Variants in SLC2A13 observed in about 807,000 individuals in gnomAD.
The protein encoded by SLC2A13 is proton myo-inositol cotransporter.
Under a neutral mutation model 64.4 loss-of-function variants are expected in SLC2A13, and 32 were observed. The observed-to-expected ratio is 0.50, with a 90% CI of 0.37 to 0.67. The LOEUF is 0.67. Ranked by LOEUF, SLC2A13 falls within the 30% of genes least tolerant of loss-of-function variation. The pLI is 0.00. For missense variants in SLC2A13, 743 were observed against 829.2 expected (o/e 0.90, Z 1.28); for synonymous variants, 338 against 327.1 (o/e 1.03, Z -0.36).
intron 2 of SLC2A13, among the ~76,000 whole-genome samples, chr12:40,037,076 C>A (rs975602764): frequency 2.0e-5 from 3 of 152,188 alleles, no homozygotes; most frequent in African/African-American, 4.8e-5. Context: ...AACCAACCAA[C>A]CTTCCTGGGT....
rs1940479362 is a variant in SLC2A13, at chr12:39,769,403, G to A, written c.1446-4545C>T. Among the ~76,000 whole-genome samples, 3 of 152,134 alleles carry A rather than the reference G, an allele frequency of 2.0e-5. 1 individual carries two copies. The South Asian group carries it at 6.2e-4, about 32-fold the overall frequency. ...AGGACTTGATACATTTGAATCTGAA[G>A]AACAGATCTTTTAACAACTGGAATT... On this transcript the variant is annotated intron_variant, in intron 7 of 9. Transcript: ENST00000280871.
intron 1 of SLC2A13, among the ~76,000 whole-genome samples, chr12:40,063,062 C>A (rs1948449804): frequency 6.6e-6 from 1 of 151,920 alleles, no homozygotes; most frequent in African/African-American, 2.4e-5. Flanking sequence ...TATATAGATA[C>A]CCCTTCATTA....
At chr12:40,050,851 T>C (rs1324280358) in intron 1 of SLC2A13, among the ~76,000 whole-genome samples, 1 of 152,212 alleles carries the variant, frequency 6.6e-6, no homozygotes, top group East Asian at 1.9e-4. Context: ...TTGACTTTTC[T>C]GGGTCTAAAG....
chr12:39,910,903 T>C (rs1289578881), intron 4 of SLC2A13, among the ~76,000 whole-genome samples: 2 of 152,072 alleles, frequency 1.3e-5, no homozygotes, highest in Non-Finnish European at 2.9e-5. Flanking sequence ...ACCAATATGG[T>C]GAAACCCCGT....
chr12:40,002,819 G>C (rs576979530), intron 3 of SLC2A13, among the ~76,000 whole-genome samples: 5 of 150,506 alleles, frequency 3.3e-5, no homozygotes, highest in Non-Finnish European at 7.4e-5. Context: ...TGATTTCTAG[G>C]GTATGGCTGA....
At chr12:39,823,776 T>C (rs980118686) in intron 7 of SLC2A13, among the ~76,000 whole-genome samples, 2 of 152,230 alleles carry the variant, frequency 1.3e-5, no homozygotes, top group Non-Finnish European at 2.9e-5. Flanking sequence ...AGAAGTGTTT[T>C]TCACAAAGTA....
intron 4 of SLC2A13, among the ~76,000 whole-genome samples, chr12:39,891,513 A>G (rs1362816804): frequency 6.6e-6 from 1 of 152,132 alleles, no homozygotes; most frequent in Non-Finnish European, 1.5e-5. Flanking sequence ...TATTTACTCA[A>G]CTCTATTGTT....
intron 3 of SLC2A13, among the ~76,000 whole-genome samples, chr12:39,979,268 C>T (rs1239763100): frequency 7.2e-6 from 1 of 138,718 alleles, no homozygotes; most frequent in African/African-American, 2.7e-5. Context: ...CAGAGCGCCT[C>T]TCCTCCTCCA....
intron 2 of SLC2A13, among the ~76,000 whole-genome samples, chr12:40,035,565 G>A (rs189328140): frequency 6.6e-6 from 1 of 152,262 alleles, no homozygotes; most frequent in African/African-American, 2.4e-5. Context: ...ATAAGACCAT[G>A]GCTGAAGGTA....
At chr12:40,004,055 A>G (rs1039034056) in intron 3 of SLC2A13, among the ~76,000 whole-genome samples, 1 of 152,178 alleles carries the variant, frequency 6.6e-6, no homozygotes, top group Non-Finnish European at 1.5e-5. Flanking sequence ...TACAAAATAC[A>G]AATTTAAAAA....
intron 3 of SLC2A13, among the ~76,000 whole-genome samples, chr12:39,960,486 TCTC>T (rs1162885098): frequency 2.0e-5 from 3 of 152,092 alleles, no homozygotes; most frequent in African/African-American, 7.2e-5. Context: ...TTCCAGCAAT[TCTC>T]CTGCCTCGGC....
intron 4 of SLC2A13, among the ~76,000 whole-genome samples, chr12:39,893,341 C>G (rs1944661207): frequency 6.6e-6 from 1 of 152,132 alleles, no homozygotes; most frequent in Non-Finnish European, 1.5e-5. Flanking sequence ...ACTCTGTCGC[C>G]CAGGCTGGAG....
intron 4 of SLC2A13, among the ~76,000 whole-genome samples, chr12:39,939,794 CT>C (rs1412605128): frequency 6.6e-6 from 1 of 152,182 alleles, no homozygotes; most frequent in Non-Finnish European, 1.5e-5. Context: ...AGTCTGATAA[CT>C]TTTCATCCAA....
chr12:40,031,759 G>A (rs1947908689), intron 2 of SLC2A13, among the ~76,000 whole-genome samples: 1 of 152,248 alleles, frequency 6.6e-6, no homozygotes, highest in African/African-American at 2.4e-5. Flanking sequence ...TTCCTCTAAC[G>A]ATGTGCAGAC....
chr12:39,896,576 GTGTGTA>G (rs1944919882), intron 4 of SLC2A13, among the ~76,000 whole-genome samples: 1 of 97,566 alleles, frequency 1.0e-5, no homozygotes, highest in Non-Finnish European at 2.1e-5. Context: ...ATGTATGTAT[GTGTGTA>G]TATATGTATA....
chr12:39,930,252 G>A (rs1052224976), intron 4 of SLC2A13, among the ~76,000 whole-genome samples: 1 of 152,088 alleles, frequency 6.6e-6, no homozygotes, highest in African/African-American at 2.4e-5. Context: ...ATCATGGGTT[G>A]TAGGCAGCAA....
intron 7 of SLC2A13, among the ~76,000 whole-genome samples, chr12:39,765,722 TA>T (rs1332806886): frequency 4.6e-5 from 7 of 152,078 alleles, no homozygotes; most frequent in Admixed American, 2.6e-4. Flanking sequence ...TGGCCTCATT[TA>T]AAAAAATTAT....
At chr12:39,884,382 C>T (rs911747840) in intron 4 of SLC2A13, among the ~76,000 whole-genome samples, 7 of 152,172 alleles carry the variant, frequency 4.6e-5, no homozygotes, top group Non-Finnish European at 7.4e-5. Flanking sequence ...CGCCAAACTT[C>T]GTATTTTCTT....
chr12:39,823,939 T>A (rs1227822010), intron 7 of SLC2A13, among the ~76,000 whole-genome samples: 1 of 152,220 alleles, frequency 6.6e-6, no homozygotes, highest in Admixed American at 6.5e-5. Context: ...CTAAGTTTCC[T>A]TTCCTGGAAA....
Sources: allele counts gnomAD v4.1 joint callset (sites outside exome capture counted in the v4.1 genomes callset), GRCh38; gene constraint gnomAD v4.1.1; transcripts MANE v1.5; gene names NCBI Gene and HGNC (gene_info 2026-07-23, HGNC 2026-07-21).